The following MAP7 variants were observed in gnomAD, a reference collection of about 807,000 sequenced individuals.
MAP7 encodes microtubule associated protein 7.
Under a neutral mutation model 94.8 loss-of-function variants are expected in MAP7, and 52 were observed. The observed-to-expected ratio is 0.55, with a 90% CI of 0.44 to 0.69. The LOEUF (loss-of-function observed/expected upper bound fraction) is 0.69. Ranked by LOEUF, MAP7 falls within the 30% of genes least tolerant of loss-of-function variation. The probability of loss-of-function intolerance (pLI) is 0.00; values close to 1 mark genes in which losing one functional copy is unlikely to be tolerated. For synonymous variants in MAP7, 350 were observed against 357.0 expected, an observed-to-expected ratio of 0.98 and a Z score of 0.22; for missense variants, 940 against 964.6, an observed-to-expected ratio of 0.97 and a Z score of 0.34.
chr6:136,548,536 G>T (rs1829903604), intron 1 of MAP7, among the ~76,000 whole-genome samples: 1 of 152,198 alleles, frequency 6.6e-6, no homozygotes. Flanking sequence ...AGGCAAAAGT[G>T]TGGAAGAAAT....
intron 3 of MAP7, among the ~76,000 whole-genome samples, chr6:136,408,456 A>C (rs9385758): frequency 0.1 from 15,142 of 152,146 alleles, 1,640 homozygotes; most frequent in East Asian, 0.27. Flanking sequence ...ATATGCCATA[A>C]CACCAAGAAC....
At position 136,550,383 on chromosome 6, in the gene MAP7, T is replaced by A. The variant is rs753029585; in HGVS notation, c.26A>T (p.Asp9Val). The change falls in exon 1 of 18, where the codon GAC (aspartate) becomes GTC (valine). Residue 9 changes from aspartate to valine, a missense_variant. Coordinates refer to ENST00000354570, the MANE Select transcript of MAP7 (RefSeq NM_003980.6). The surrounding 1 kb of genome is among the most constrained non-coding windows in gnomAD (Gnocchi z 5.1). MAELGAGGDGHRGGDGAVR... is the reference protein window; with the variant it reads MAELGAGGVGHRGGDGAVR... ...TGCGCCGTCGCCGCCCCTGTGGCCG[T>A]CGCCGCCAGCTCCTAGCTCCGCCAT... 5 of 1,529,384 alleles carry A rather than the reference T, an allele frequency of 3.3e-6. No homozygotes were observed. Among genetic ancestry groups the A allele is most frequent in the Non-Finnish European group, 4.4e-6 (5 of 1,146,668 alleles). The allele number at this position is 1,529,384 out of a possible 1,614,324, so 94.7% of individuals were successfully genotyped here.
intron 1 of MAP7, among the ~76,000 whole-genome samples, chr6:136,437,851 T>C (rs1418055120): frequency 6.6e-6 from 1 of 152,240 alleles, no homozygotes; most frequent in Non-Finnish European, 1.5e-5. Context: ...TACTACTCAA[T>C]GTTCAAAATG....
chr6:136,352,058 C>T (rs1308580128), intron 16 of MAP7, among the ~76,000 whole-genome samples: 1 of 152,164 alleles, frequency 6.6e-6, no homozygotes, highest in Non-Finnish European at 1.5e-5. Context: ...AACATAGCAA[C>T]TTCTCTGGCA....
rs1420269321 is a variant in MAP7 at position 136,372,482 on chromosome 6, G to C, written c.876+19C>G. The C allele has an allele frequency of 1.2e-6, 2 of 1,613,424 alleles. No individual in the cohort carries two copies. The highest frequency in any genetic ancestry group is 8.5e-7 in the Non-Finnish European group (1 of 1,179,860). ...CACTGGCTCCCAGACTTGCCCAGCT[G>C]CTCCCAACAGCTACTCACCGCTGTG... On this transcript the variant is annotated intron_variant, in intron 8 of 17. Transcript: ENST00000354570.
intron 1 of MAP7, chr6:136,466,637 G>T (rs1243573257): frequency 1.2e-6 from 1 of 811,026 alleles, no homozygotes; most frequent in Non-Finnish European, 1.8e-6. Flanking sequence ...AAGATTAGAA[G>T]ATTTCCTACT....
chr6:136,541,769 C>G (rs112443542), intron 1 of MAP7, among the ~76,000 whole-genome samples: 52 of 152,254 alleles, frequency 3.4e-4, no homozygotes, highest in African/African-American at 1.2e-3. Flanking sequence ...AATCAAAATT[C>G]AAAGTGGAGC....
At chr6:136,450,854 T>A (rs1301689940) in intron 1 of MAP7, among the ~76,000 whole-genome samples, 1 of 152,056 alleles carries the variant, frequency 6.6e-6, no homozygotes, top group Non-Finnish European at 1.5e-5. Context: ...AAAGTCAATG[T>A]TCTGTTTTTT....
intron 5 of MAP7, among the ~76,000 whole-genome samples, chr6:136,387,708 G>A (rs1779552687): frequency 6.6e-6 from 1 of 151,472 alleles, no homozygotes; most frequent in African/African-American, 2.4e-5. Context: ...AAAACCACCT[G>A]GAGACAGAAT....
chr6:136,455,224 A>G (rs1195095185), intron 1 of MAP7, among the ~76,000 whole-genome samples: 2 of 152,122 alleles, frequency 1.3e-5, no homozygotes, highest in African/African-American at 4.8e-5. Flanking sequence ...CAATATGTGA[A>G]TATTAAAAGT....
At chr6:136,359,609 G>C (rs932379744) in intron 15 of MAP7, among the ~76,000 whole-genome samples, 11 of 152,012 alleles carry the variant, frequency 7.2e-5, no homozygotes, top group Non-Finnish European at 1.2e-4. Context: ...CAACCCATTA[G>C]AGTATAAACA....
chr6:136,381,817 A>G (rs1468984852), intron 6 of MAP7, among the ~76,000 whole-genome samples: 1 of 149,666 alleles, frequency 6.7e-6, no homozygotes, highest in Non-Finnish European at 1.5e-5. Context: ...CTGGTTATTG[A>G]ACTTCCCTTA....
At chr6:136,505,295 A>ATATATG (rs1483392826) in intron 1 of MAP7, among the ~76,000 whole-genome samples, 1 of 134,362 alleles carries the variant, frequency 7.4e-6, no homozygotes, top group Non-Finnish European at 1.6e-5. Flanking sequence ...ATATATATAT[A>ATATATG]TATATATATA....
At chr6:136,466,106 T>A (rs1806945318) in intron 1 of MAP7, among the ~76,000 whole-genome samples, 1 of 152,304 alleles carries the variant, frequency 6.6e-6, no homozygotes, top group South Asian at 2.1e-4. Context: ...ACTCACTGTT[T>A]ACATATCATG....
chr6:136,345,893 C>A lies in MAP7; in HGVS notation c.2202G>T (p.Leu734=), dbSNP rs1215427400. ...GTGTCTGAACACCATCTACCTGAGG[C>A]AGGGGCCCAAGTGTCCCTTCATCAT... ...AFDDEGTLGP[L]PQVDGVQTQQ... The change falls in exon 17 of 18, where the codon CTG becomes CTT. Residue 734 remains leucine (L), a synonymous_variant. Coordinates refer to ENST00000354570, the MANE Select transcript of MAP7 (RefSeq NM_003980.6). The A allele has an allele frequency of 6.2e-7, 1 of 1,614,060 alleles. No homozygotes were observed. The highest frequency in any genetic ancestry group is 8.5e-7 in the Non-Finnish European group (1 of 1,180,038).
intron 5 of MAP7, among the ~76,000 whole-genome samples, chr6:136,387,222 TA>T (rs1488105372): frequency 6.6e-6 from 1 of 152,118 alleles, no homozygotes; most frequent in East Asian, 1.9e-4. Context: ...AGCTTAAAAC[TA>T]AAAGTGGCAA....
At chr6:136,428,926 C>A (rs2128799434) in intron 1 of MAP7, among the ~76,000 whole-genome samples, 1 of 152,280 alleles carries the variant, frequency 6.6e-6, no homozygotes, top group Middle Eastern at 3.4e-3. Context: ...TCTGAGAACT[C>A]TTTTTGTCAC....
chr6:136,351,255 G>A (rs1235788200), intron 16 of MAP7, among the ~76,000 whole-genome samples: 8 of 148,820 alleles, frequency 5.4e-5, no homozygotes, highest in African/African-American at 1.7e-4. Context: ...AAAAAAAAAC[G>A]AAAAAACAAA....
At position 136,543,266 on chromosome 6, in the gene MAP7, A is replaced by T. The variant is rs369638920; in HGVS notation, c.67+7076T>A. ...TACAATGGCAAACTACTTCATCAAG[A>T]AAAAGGATGTACCACATCCTAACAT... On this transcript the variant is annotated intron_variant, in intron 1 of 17. Coordinates refer to ENST00000354570, the MANE Select transcript of MAP7 (RefSeq NM_003980.6). Among the ~76,000 whole-genome samples the T allele has an allele frequency of 2.1e-4, 32 of 152,372 alleles. No homozygotes were observed. The East Asian group carries it at 4.6e-3, about 22-fold the overall frequency.
Sources: gnomAD v4.1 joint callset for allele counts (sites outside exome capture counted in the v4.1 genomes callset) on GRCh38, gnomAD v4.1.1 for gene constraint, Gnocchi (gnomAD v3.1) non-coding constraint, MANE v1.5 for transcripts, NCBI Gene and HGNC (gene_info 2026-07-23, HGNC 2026-07-21) for gene names.